The following ASB5 variants were observed in gnomAD, a reference collection of about 807,000 sequenced individuals.
ASB5 encodes ankyrin repeat and SOCS box containing 5, also known as ankyrin repeat and SOCS box protein 5.
ASB5 carries 45 observed loss-of-function variants against 42.1 expected under a neutral mutation model. The observed-to-expected ratio is 1.07, with a 90% CI of 0.84 to 1.37. ASB5 has a LOEUF of 1.37. Among genes scored for constraint, ASB5 ranks in the 40% most tolerant of loss-of-function variants. The pLI is 0.00. For missense variants in ASB5, 402 were observed against 399.8 expected, an observed-to-expected ratio of 1.01 and a Z score of -0.05; for synonymous variants, 147 against 150.6, an observed-to-expected ratio of 0.98 and a Z score of 0.18.
intron 1 of ASB5, among the ~76,000 whole-genome samples, chr4:176,253,861 G>A (rs1209219972): frequency 6.6e-6 from 1 of 152,010 alleles, no homozygotes; most frequent in Non-Finnish European, 1.5e-5. Flanking sequence ...TAACCCAGAG[G>A]GTGAAAGATC....
chr4:176,270,330 T>A (rs528680315), upstream of ASB5, among the ~76,000 whole-genome samples: 20 of 152,252 alleles, frequency 1.3e-4, no homozygotes, highest in African/African-American at 4.6e-4. Flanking sequence ...ATTCTTGGAA[T>A]AAGGAGCATA....
At chr4:176,239,517 G>A (rs762261453) in intron 1 of ASB5, among the ~76,000 whole-genome samples, 1 of 152,052 alleles carries the variant, frequency 6.6e-6, no homozygotes, top group Non-Finnish European at 1.5e-5. Flanking sequence ...TTTAGACACC[G>A]TATATTATAA....
At chr4:176,272,937 T>C (rs1389020382), upstream of ASB5, among the ~76,000 whole-genome samples, 6 of 140,622 alleles carry the variant, frequency 4.3e-5, no homozygotes, top group Non-Finnish European at 6.1e-5. Flanking sequence ...CCACCTTCGA[T>C]GACCTTTTTT....
chr4:176,269,507 G>T (rs1754429398), upstream of ASB5, among the ~76,000 whole-genome samples: 1 of 152,140 alleles, frequency 6.6e-6, no homozygotes, highest in East Asian at 1.9e-4. Flanking sequence ...TTCATATCGA[G>T]TAAAGTTGTC....
At chr4:176,261,898 G>C (rs1754273938) in intron 1 of ASB5, among the ~76,000 whole-genome samples, 1 of 150,908 alleles carries the variant, frequency 6.6e-6, no homozygotes, top group African/African-American at 2.4e-5. Context: ...TTATATACAT[G>C]ATATAGTATG....
chr4:176,217,127 C>T (rs187240245), intron 5 of ASB5, 118 bp from the exon 6 acceptor site: 1 of 779,018 alleles, frequency 1.3e-6, no homozygotes, highest in Admixed American at 2.6e-5. Context: ...GACTTCAACT[C>T]TATTTGTTAT....
chr4:176,264,853 A>G (rs1407484380), intron 1 of ASB5, among the ~76,000 whole-genome samples: 2 of 152,076 alleles, frequency 1.3e-5, no homozygotes, highest in Non-Finnish European at 2.9e-5. Context: ...TTTGAATGCT[A>G]TTTACAGGCA....
intron 1 of ASB5, among the ~76,000 whole-genome samples, chr4:176,248,745 T>C (rs570151597): frequency 1.3e-5 from 2 of 152,302 alleles, no homozygotes; most frequent in African/African-American, 4.8e-5. Context: ...AGAGAATGAT[T>C]CAATTAATAT....
At chr4:176,261,007 A>G (rs1754258858) in intron 1 of ASB5, among the ~76,000 whole-genome samples, 1 of 152,166 alleles carries the variant, frequency 6.6e-6, no homozygotes, top group Non-Finnish European at 1.5e-5. Context: ...ACTAGTAAGC[A>G]AATGCTTTCT....
At chr4:176,267,683 T>A (rs903023386) in intron 1 of ASB5, among the ~76,000 whole-genome samples, 2 of 152,176 alleles carry the variant, frequency 1.3e-5, no homozygotes, top group African/African-American at 4.8e-5. Context: ...AAGGGTTAAA[T>A]ACAGCCTATT....
rs6834316 is a variant in ASB5 at position 176,240,675 on chromosome 4, C to G, written c.197-15334G>C. On this transcript the variant is annotated intron_variant, in intron 1 of 6. Transcript: ENST00000296525. ...AAAAACAAGAAAGCAAGATCACCTT[C>G]TGACAATTTTTAAAGCTAAAAACTT... is the stretch of plus-strand genomic sequence containing the variant. Among the ~76,000 whole-genome samples the G allele has an allele frequency of 6.1e-3, 924 of 152,296 alleles. 7 individuals carry two copies. The highest frequency in any genetic ancestry group is 0.02 in the African/African-American group (817 of 41,570).
intron 1 of ASB5, among the ~76,000 whole-genome samples, chr4:176,251,150 A>G (rs1292648277): frequency 6.6e-6 from 1 of 151,680 alleles, no homozygotes; most frequent in Non-Finnish European, 1.5e-5. Context: ...CTAGCCACAG[A>G]TAGTTTTATC....
chr4:176,232,129 T>TATA (rs1561257161), intron 1 of ASB5, among the ~76,000 whole-genome samples: 5 of 84,310 alleles, frequency 5.9e-5, no homozygotes, highest in African/African-American at 1.8e-4. Context: ...ATATATATAC[T>TATA]TTTTTTTTTT....
intron 1 of ASB5, among the ~76,000 whole-genome samples, chr4:176,261,075 A>G (rs1754260069): frequency 6.6e-6 from 1 of 152,142 alleles, no homozygotes. Flanking sequence ...GGTGTTCCAA[A>G]TACTTCACCT....
chr4:176,214,278 T>G lies in ASB5; in HGVS notation c.*1322A>C, dbSNP rs1217570079. ...AGCCCTGGGTTGTTGAAAATAGTGG[T>G]CAAAATATTTACTTTATCAAAATTT... On this transcript the variant is annotated 3_prime_UTR_variant, in exon 7 of 7. Coordinates refer to ENST00000296525, the MANE Select transcript of ASB5 (RefSeq NM_080874.4). The G allele has an allele frequency of 6.6e-6, 1 of 152,128 alleles. No homozygotes were observed. Among genetic ancestry groups the G allele is most frequent in the Non-Finnish European group, 1.5e-5 (1 of 67,992 alleles). The allele number at this position is 152,128 out of a possible 1,614,324, so 9.4% of individuals were successfully genotyped here.
chr4:176,242,580 A>G (rs956515885), intron 1 of ASB5, among the ~76,000 whole-genome samples: 5 of 152,194 alleles, frequency 3.3e-5, no homozygotes, highest in African/African-American at 1.2e-4. Flanking sequence ...TGTCAGCGGT[A>G]TCTGCTATTA....
Position 176,221,536 on chromosome 4 carries a change from C to A in ASB5, c.449G>T (p.Ser150Ile). 1 of 1,614,044 alleles carries A rather than the reference C, an allele frequency of 6.2e-7. No individual in the cohort carries two copies. The highest frequency in any genetic ancestry group is 8.5e-7 in the Non-Finnish European group (1 of 1,179,922). Reference protein sequence around the residue: ...LFNACSQGSPSCAELLLEYGA... With the variant: ...LFNACSQGSPICAELLLEYGA... ...ATACTCCAGAAGCAGCTCTGCACAGCTTGGACTGCCTTGGGAGCATGCGTT... is the reference window on the plus strand; with the variant it reads ...ATACTCCAGAAGCAGCTCTGCACAGATTGGACTGCCTTGGGAGCATGCGTT... Residue 150 changes from serine (S) to isoleucine (I), a missense_variant, in exon 4 of 7, where the codon AGC becomes ATC. Physicochemically the swap from Ser to Ile is moderately radical, Grantham distance 142 (BLOSUM62 -2). Transcript: ENST00000296525.
At chr4:176,268,801 CAA>C in intron 1 of ASB5, 110 bp downstream of exon 1, 1 of 959,340 alleles carries the variant, frequency 1.0e-6, no homozygotes, top group Non-Finnish European at 1.4e-6. Flanking sequence ...TTTCCCTTAA[CAA>C]AAGTTTATAA....
At chr4:176,273,605 T>G (rs2126982926), upstream of ASB5, among the ~76,000 whole-genome samples, 1 of 152,344 alleles carries the variant, frequency 6.6e-6, no homozygotes, top group Admixed American at 6.5e-5. Flanking sequence ...GGTCATTAAC[T>G]TAGACTGCAT....
Sources: allele counts gnomAD v4.1 joint callset (sites outside exome capture counted in the v4.1 genomes callset), GRCh38; gene constraint gnomAD v4.1.1; transcripts MANE v1.5; gene names NCBI Gene and HGNC (gene_info 2026-07-23, HGNC 2026-07-21).